Variants in AGXT observed in about 807,000 individuals in gnomAD.
The protein encoded by AGXT is alanine--glyoxylate aminotransferase, also known as L-alanine: glyoxylate aminotransferase 1.
In AGXT, 41 loss-of-function variants were observed where a neutral mutation model predicts 46.9. That is an observed-to-expected ratio of 0.88 (90% CI 0.68 to 1.14). AGXT has a LOEUF of 1.14. AGXT is among the 50% of genes most tolerant of loss of function. The probability of loss-of-function intolerance (pLI) is 0.00; values close to 1 mark genes in which losing one functional copy is unlikely to be tolerated. For missense variants in AGXT, 525 were observed against 522.7 expected (o/e 1.00, Z -0.04); for synonymous variants, 244 against 227.9 (o/e 1.07, Z -0.64).
At chr2:240,871,678 T>A (rs1291403019) in intron 4 of AGXT, among the ~76,000 whole-genome samples, 2 of 152,170 alleles carry the variant, frequency 1.3e-5, no homozygotes, top group East Asian at 1.9e-4. Context: ...GCCCCCATAG[T>A]GCCCACTGAC....
At chr2:240,877,985 C>T in intron 9 of AGXT, 37 bp from the exon 10 acceptor site, 2 of 1,605,988 alleles carry the variant, frequency 1.2e-6, no homozygotes, top group Non-Finnish European at 1.7e-6. Context: ...CCGTACAGGG[C>T]CTCTCACCCA....
intron 2 of AGXT, among the ~76,000 whole-genome samples, chr2:240,870,308 C>T (rs1343374137): frequency 6.6e-6 from 1 of 152,104 alleles, no homozygotes; most frequent in Admixed American, 6.5e-5. Flanking sequence ...TTGTGCCAGC[C>T]CTGGGCCAGG....
rs1343250485 is a variant in AGXT, at chr2:240,871,429, C to A, written c.504C>A (p.Gly168=). 6.3e-7 allele frequency: 1 copy of A among 1,594,124 alleles called. No homozygotes were observed. The change falls in exon 4 of 11, where the codon GGC becomes GGA. Residue 168 remains glycine (G), a synonymous_variant. Coordinates refer to ENST00000307503, the MANE Select transcript of AGXT (RefSeq NM_000030.3). ...CCGGCGTGCTGCAGCCCCTTGATGG[C>A]TTCGGGGAACTCTGCCACAGGTGAG... ...SSTGVLQPLD[G]FGELCHRYKC...
At position 240,874,771 on chromosome 2, in the gene AGXT, G is replaced by T. The variant is rs74646933; in HGVS notation, c.681-338G>T. 6.8e-3 allele frequency among the ~76,000 whole-genome samples: 1,043 copies of T among 152,360 alleles called. 28 individuals carry two copies. The East Asian group carries it at 0.073, about 11-fold the overall frequency. Reference sequence around the variant, plus strand: ...TCAAGCCTGGCCAGTGTCCCCTGGGGCCCGAAAGCAGTCACCTTTGGGTGA... The same window carrying T: ...TCAAGCCTGGCCAGTGTCCCCTGGGTCCCGAAAGCAGTCACCTTTGGGTGA... On this transcript the variant is annotated intron_variant, in intron 6 of 10. Transcript: ENST00000307503.
rs1385810696 is a variant in AGXT at position 240,877,698 on chromosome 2, C to T, written c.942+66C>T. 3.4e-6 allele frequency: 5 copies of T among 1,491,290 alleles called. No individual in the cohort carries two copies. The South Asian group carries it at 6.1e-5, about 18-fold the overall frequency. 92.4% of individuals were successfully genotyped at this position (1,491,290 alleles called of 1,614,324 possible). On this transcript the variant is annotated intron_variant, in intron 9 of 10. Coordinates refer to ENST00000307503, the MANE Select transcript of AGXT (RefSeq NM_000030.3). ...GGAAGGATGAGGGGCTCTTGCCCAGCCCCCTCAAGAGGGACACTGGCTCCT... is the reference window on the plus strand; with the variant it reads ...GGAAGGATGAGGGGCTCTTGCCCAGTCCCCTCAAGAGGGACACTGGCTCCT...
In AGXT at chr2:240,879,503, T is replaced by C. The variant is rs558030540; in HGVS notation, c.*682T>C. ...TCTGTGACCATAGATCAGCCTGGCA[T>C]ATTTGAATTTATTTATTTATTTTGA... On this transcript the variant is annotated 3_prime_UTR_variant, in exon 11 of 11. Coordinates refer to ENST00000307503, the MANE Select transcript of AGXT (RefSeq NM_000030.3). The C allele has an allele frequency of 2.0e-5, 3 of 152,632 alleles. No homozygotes were observed. The highest frequency in any genetic ancestry group is 2.0e-4 in the Admixed American group (3 of 15,322). 9.5% of individuals were successfully genotyped at this position (152,632 alleles called of 1,614,324 possible). A position where few individuals can be genotyped will look rare whatever the true frequency, so the allele number is the denominator to read the frequency against.
rs180177168 is a variant in AGXT at position 240,868,987 on chromosome 2, G to A, written c.122G>A (p.Gly41Glu). 3 of 1,612,874 alleles carry A rather than the reference G, an allele frequency of 1.9e-6. No homozygotes were observed. Among genetic ancestry groups the A allele is most frequent in the Admixed American group, 3.3e-5 (2 of 60,000 alleles). Residue 41 changes from glycine (G) to glutamate (E), a missense_variant, in exon 1 of 11, where the codon GGG (glycine) becomes GAG (glutamate). By Grantham distance (98) the Gly-to-Glu change is moderately conservative (BLOSUM62 -2). Coordinates refer to ENST00000307503, the MANE Select transcript of AGXT (RefSeq NM_000030.3). Reference sequence around the variant, plus strand: ...CTGCCTCCTCGCATCATGGCAGCCGGGGGGCTGCAGATGATCGGGTCCATG... The same window carrying A: ...CTGCCTCCTCGCATCATGGCAGCCGAGGGGCTGCAGATGATCGGGTCCATG... ...SNLPPRIMAA[G>E]GLQMIGSMSK...
intron 10 of AGXT, 91 bp downstream of exon 10, chr2:240,878,241 G>T: frequency 6.4e-6 from 10 of 1,557,468 alleles, no homozygotes; most frequent in Non-Finnish European, 8.7e-6. Context: ...GGGGAGGCCG[G>T]GGTCATCCGA....
At chr2:240,875,729 T>C (rs1426289626) in intron 7 of AGXT, among the ~76,000 whole-genome samples, 2 of 152,122 alleles carry the variant, frequency 1.3e-5, no homozygotes, top group Non-Finnish European at 2.9e-5. Context: ...GCCTCCTGGC[T>C]GGGCCCTACA....
Position 240,878,874 on chromosome 2 carries a change from C to T in AGXT, c.*53C>T. ...GGCACACACCTGTCCCATGCCCACCCTGAGGGATCAGGAGCAAACAGACCC... is the reference window on the plus strand; with the variant it reads ...GGCACACACCTGTCCCATGCCCACCTTGAGGGATCAGGAGCAAACAGACCC... On this transcript the variant is annotated 3_prime_UTR_variant, in exon 11 of 11. Transcript: ENST00000307503. The T allele has an allele frequency of 6.6e-7, 1 of 1,507,014 alleles. No homozygotes were observed. Among genetic ancestry groups the T allele is most frequent in the Non-Finnish European group, 9.0e-7 (1 of 1,111,152 alleles). The allele number at this position is 1,507,014 out of a possible 1,614,324, so 93.4% of individuals were successfully genotyped here.
chr2:240,875,806 T>A, intron 7 of AGXT, 129 bp from the exon 8 acceptor site: 2 of 1,021,566 alleles, frequency 2.0e-6, no homozygotes, highest in Non-Finnish European at 3.0e-6. Flanking sequence ...CGGACAGGAC[T>A]CCTCTGCGGA....
rs180177286 is a variant in AGXT, at chr2:240,877,534, C to T, written c.847-3C>T. 1.5e-5 allele frequency: 23 copies of T among 1,546,314 alleles called. No homozygotes were observed. The South Asian group carries it at 2.2e-4, about 14-fold the overall frequency. ...CTGCCCACCAGCGCCATCTCCCACA[C>T]AGGGCCTGGAGAACAGCTGGCGCCA... On this transcript the variant is annotated splice_region_variant and splice_polypyrimidine_tract_variant and intron_variant, in intron 8 of 10. Transcript: ENST00000307503.
intron 2 of AGXT, among the ~76,000 whole-genome samples, chr2:240,869,660 C>T (rs1322159728): frequency 6.6e-6 from 1 of 152,206 alleles, no homozygotes; most frequent in African/African-American, 2.4e-5. Flanking sequence ...TCCCAGCACA[C>T]ACTCCTGAGA....
intron 3 of AGXT, 78 bp downstream of exon 3, chr2:240,870,786 G>A: frequency 7.1e-7 from 1 of 1,413,030 alleles, no homozygotes; most frequent in Non-Finnish European, 9.8e-7. Flanking sequence ...CCTGGAATTG[G>A]CCAGCCAGCA....
intron 3 of AGXT, 30 bp downstream of exon 3, chr2:240,870,738 G>C: frequency 1.3e-6 from 2 of 1,546,202 alleles, no homozygotes; most frequent in African/African-American, 1.4e-5. Flanking sequence ...GGTCAGGGCC[G>C]GGAGGAGGTG....
chr2:240,870,749 G>C, intron 3 of AGXT, 41 bp downstream of exon 3: 1 of 1,541,030 alleles, frequency 6.5e-7, no homozygotes, highest in Non-Finnish European at 8.8e-7. Context: ...GGAGGAGGTG[G>C]GAGTGGGCAT....
intron 8 of AGXT, among the ~76,000 whole-genome samples, chr2:240,876,687 G>C (rs369060082): frequency 1.3e-5 from 2 of 152,250 alleles, no homozygotes; most frequent in Non-Finnish European, 2.9e-5. Context: ...TGCCACGTTT[G>C]TCCTCCTGGG....
At chr2:240,871,183 CG>C (rs2058988498) in intron 3 of AGXT, 165 bp from the exon 4 acceptor site, 2 of 669,102 alleles carry the variant, frequency 3.0e-6, no homozygotes, top group Middle Eastern at 4.0e-4. Context: ...GCCCTTGTCC[CG>C]GAGCGGAGAT....
intron 4 of AGXT, among the ~76,000 whole-genome samples, chr2:240,872,150 G>C (rs1317464086): frequency 1.3e-5 from 2 of 152,092 alleles, no homozygotes; most frequent in Non-Finnish European, 2.9e-5. Flanking sequence ...GGAGGAGGGT[G>C]AGAGTTTGTG....
Sources: allele counts gnomAD v4.1 joint callset (sites outside exome capture counted in the v4.1 genomes callset), GRCh38; gene constraint gnomAD v4.1.1; transcripts MANE v1.5; gene names NCBI Gene and HGNC (gene_info 2026-07-23, HGNC 2026-07-21).